The following PRR5L variants were observed in gnomAD, a reference collection of about 807,000 sequenced individuals.
The protein encoded by PRR5L is proline-rich protein 5-like.
Under a neutral mutation model 36.4 loss-of-function variants are expected in PRR5L, and 21 were observed. The ratio of observed to expected loss-of-function variants is 0.58; its 90% CI spans 0.41 to 0.83. PRR5L has a LOEUF of 0.83. Ranked by LOEUF, PRR5L falls within the 40% of genes least tolerant of loss-of-function variation. PRR5L has a pLI of 0.00. For missense variants in PRR5L, 381 were observed against 473.3 expected (o/e 0.80, Z 1.81); for synonymous variants, 188 against 197.0 (o/e 0.95, Z 0.38).
At position 36,419,268 on chromosome 11, in the gene PRR5L, A is replaced by C; in HGVS notation, c.259A>C (p.Ser87Arg). The part of the protein sequence containing the change: ...LNENIRRLLK[S>R]ELGSFITDYF... Reference sequence around the variant, plus strand: ...CCTTCTCCCCAGGCGGCTGTTGAAGAGTGAACTTGGATCATTCATTACAGA... The same window carrying C: ...CCTTCTCCCCAGGCGGCTGTTGAAGCGTGAACTTGGATCATTCATTACAGA... Residue 87 changes from serine to arginine, a missense_variant, in exon 4 of 9, where the codon AGT becomes CGT. By Grantham distance (110) the Ser-to-Arg change is moderately radical (BLOSUM62 -1). Coordinates refer to ENST00000530639, the MANE Select transcript of PRR5L (RefSeq NM_001160167.2). The C allele has an allele frequency of 6.2e-7, 1 of 1,614,128 alleles. No homozygotes were observed. Among genetic ancestry groups the C allele is most frequent in the Non-Finnish European group, 8.5e-7 (1 of 1,179,960 alleles).
At chr11:36,328,006 A>C (rs1856682205) in intron 1 of PRR5L, among the ~76,000 whole-genome samples, 2 of 152,214 alleles carry the variant, frequency 1.3e-5, no homozygotes, top group Admixed American at 1.3e-4. Context: ...GTCACAGGTC[A>C]TGGTCCTTAC....
chr11:36,317,277 T>C (rs1317032134), intron 1 of PRR5L, among the ~76,000 whole-genome samples: 2 of 152,220 alleles, frequency 1.3e-5, no homozygotes, highest in Non-Finnish European at 2.9e-5. Context: ...GGGGTCAGGC[T>C]TAAACCCCAG....
chr11:36,435,083 A>C (rs1481496796), intron 5 of PRR5L, among the ~76,000 whole-genome samples: 1 of 152,072 alleles, frequency 6.6e-6, no homozygotes. Flanking sequence ...GACATCAACA[A>C]AGAAGCTGGA....
At chr11:36,411,776 T>C (rs1201553580) in intron 3 of PRR5L, among the ~76,000 whole-genome samples, 2 of 152,188 alleles carry the variant, frequency 1.3e-5, no homozygotes, top group African/African-American at 2.4e-5. Flanking sequence ...TACCTTCTTA[T>C]CCTTTCATCA....
chr11:36,449,362 C>T lies in PRR5L; in HGVS notation c.586-1847C>T, dbSNP rs142678203. Among the ~76,000 whole-genome samples, 113 of 152,344 alleles carry T rather than the reference C, an allele frequency of 7.4e-4. 2 individuals carry two copies. The East Asian group carries it at 0.017, about 23-fold the overall frequency. On this transcript the variant is annotated intron_variant, in intron 7 of 8. Coordinates refer to ENST00000530639, the MANE Select transcript of PRR5L (RefSeq NM_001160167.2). Reference sequence around the variant, plus strand: ...TATTTTTCAAAACTACCTGACCCTACTACAGAGAAAAGAGCTCTTTCTTAG... The same window carrying T: ...TATTTTTCAAAACTACCTGACCCTATTACAGAGAAAAGAGCTCTTTCTTAG...
intron 1 of PRR5L, among the ~76,000 whole-genome samples, chr11:36,324,497 C>T (rs952448311): frequency 6.6e-6 from 1 of 152,080 alleles, no homozygotes; most frequent in Non-Finnish European, 1.5e-5. Flanking sequence ...AGAAAAACCA[C>T]TAGGTTGGGC....
intron 1 of PRR5L, among the ~76,000 whole-genome samples, chr11:36,386,264 T>A (rs926619798): frequency 6.6e-5 from 10 of 151,992 alleles, no homozygotes; most frequent in African/African-American, 2.4e-4. Flanking sequence ...CCAGCCTGGG[T>A]GACAGAGCGA....
In PRR5L at chr11:36,331,953, G is replaced by A. The variant is rs12419171; in HGVS notation, c.-126+35515G>A. ...TGTCACTCCTTACAAGCTGTTTGACGTTGGATAGGTTACTTAACCTTTCCG... is the reference window on the plus strand; with the variant it reads ...TGTCACTCCTTACAAGCTGTTTGACATTGGATAGGTTACTTAACCTTTCCG... On this transcript the variant is annotated intron_variant, in intron 1 of 8. Transcript: ENST00000530639. 5.0e-4 allele frequency among the ~76,000 whole-genome samples: 76 copies of A among 152,132 alleles called. No homozygotes were observed. In the East Asian group the frequency reaches 0.013, roughly 26 times the overall value.
chr11:36,357,702 T>C (rs1003787295), intron 1 of PRR5L, among the ~76,000 whole-genome samples: 5 of 152,024 alleles, frequency 3.3e-5, no homozygotes, highest in African/African-American at 1.2e-4. Flanking sequence ...TTGAGACTAC[T>C]ATTCAGAAAA....
chr11:36,380,667 A>G (rs1857352569), intron 1 of PRR5L: 1 of 152,206 alleles, frequency 6.6e-6, no homozygotes, highest in African/African-American at 2.4e-5. Flanking sequence ...ATTACCATCA[A>G]CTAAGAATTT....
At chr11:36,387,669 T>C (rs1301833321) in intron 1 of PRR5L, among the ~76,000 whole-genome samples, 1 of 152,094 alleles carries the variant, frequency 6.6e-6, no homozygotes, top group East Asian at 1.9e-4. Flanking sequence ...GCCAAACCAT[T>C]AATTGAATGG....
chr11:36,344,309 TAA>T lies in PRR5L; in HGVS notation c.-126+47872_-126+47873del, dbSNP rs1198519207. Among the ~76,000 whole-genome samples, 2 of 152,216 alleles carry T rather than the reference TAA, an allele frequency of 1.3e-5. No individual in the cohort carries two copies. Among genetic ancestry groups the T allele is most frequent in the Non-Finnish European group, 2.9e-5 (2 of 68,042 alleles). On this transcript the variant is annotated intron_variant, in intron 1 of 8. Coordinates refer to ENST00000530639, the MANE Select transcript of PRR5L (RefSeq NM_001160167.2). This position sits in a 1 kb window ranked among gnomAD's most constrained non-coding sequence, Gnocchi z 4.1. ...TTCCACTACTCACAGAAAATCATGT[TAA>T]GTCTTGGTGTATTACTTCCAGACCT...
chr11:36,303,476 A>G (rs1856398336), intron 1 of PRR5L, among the ~76,000 whole-genome samples: 1 of 152,178 alleles, frequency 6.6e-6, no homozygotes, highest in Non-Finnish European at 1.5e-5. Flanking sequence ...TGTCCACCCA[A>G]CCTACATATC....
At chr11:36,309,801 A>T (rs1302925212) in intron 1 of PRR5L, among the ~76,000 whole-genome samples, 1 of 152,046 alleles carries the variant, frequency 6.6e-6, no homozygotes, top group Non-Finnish European at 1.5e-5. Flanking sequence ...GATTAAAGGG[A>T]TGAAGAGACT....
intron 1 of PRR5L, among the ~76,000 whole-genome samples, chr11:36,324,779 G>T (rs1565388059): frequency 6.6e-6 from 1 of 151,912 alleles, no homozygotes; most frequent in Non-Finnish European, 1.5e-5. Flanking sequence ...TAGAAAATAA[G>T]TCATCTATAT....
rs147743891 is a variant in PRR5L at position 36,408,012 on chromosome 11, C to T, written c.245+4634C>T. On this transcript the variant is annotated intron_variant, in intron 3 of 8. Coordinates refer to ENST00000530639, the MANE Select transcript of PRR5L (RefSeq NM_001160167.2). ...CTGTCAGGCCAGGTGCGGTGGCTCACCCCGTAGTCCCAGAACTTTGAGAGG... is the reference window on the plus strand; with the variant it reads ...CTGTCAGGCCAGGTGCGGTGGCTCATCCCGTAGTCCCAGAACTTTGAGAGG... Among the ~76,000 whole-genome samples, 4 of 152,312 alleles carry T rather than the reference C, an allele frequency of 2.6e-5. No homozygotes were observed. In the East Asian group the frequency reaches 7.7e-4, roughly 29 times the overall value.
At chr11:36,419,194 T>C in intron 3 of PRR5L, 61 bp from the exon 4 acceptor site, 2 of 1,535,106 alleles carry the variant, frequency 1.3e-6, no homozygotes, top group South Asian at 2.2e-5. Context: ...GAGCACATTG[T>C]CACCATGAGC....
chr11:36,351,705 A>ATTTATATG (rs1241163453), intron 1 of PRR5L, among the ~76,000 whole-genome samples: 1 of 96,830 alleles, frequency 1.0e-5, no homozygotes, highest in Non-Finnish European at 1.9e-5. Context: ...ATATTTATAT[A>ATTTATATG]TTTATTTATA....
chr11:36,363,269 A>G (rs1857111573), intron 1 of PRR5L, among the ~76,000 whole-genome samples: 1 of 152,230 alleles, frequency 6.6e-6, no homozygotes, highest in African/African-American at 2.4e-5. Flanking sequence ...AGTAAGCCCA[A>G]TTCTTTGCTG....
Sources: gnomAD v4.1 joint callset for allele counts (sites outside exome capture counted in the v4.1 genomes callset) on GRCh38, gnomAD v4.1.1 for gene constraint, Gnocchi (gnomAD v3.1) non-coding constraint, MANE v1.5 for transcripts, NCBI Gene and HGNC (gene_info 2026-07-23, HGNC 2026-07-21) for gene names.